Variants in TOX2 observed in about 807,000 individuals in gnomAD.
The protein encoded by TOX2 is TOX high mobility group box family member 2, also known as granulosa cell HMG box 1.
Under a neutral mutation model 47.4 loss-of-function variants are expected in TOX2, and 15 were observed. That is an observed-to-expected ratio of 0.32 (90% CI 0.21 to 0.49). TOX2 has a LOEUF of 0.49. Among genes scored for constraint, TOX2 ranks in the 20% least tolerant of loss-of-function variants. The pLI is 0.99. For synonymous variants in TOX2, 290 were observed against 296.6 expected (o/e 0.98, Z 0.23); for missense variants, 622 against 673.1 (o/e 0.92, Z 0.84).
intron 3 of TOX2, among the ~76,000 whole-genome samples, chr20:44,010,021 G>A (rs1269939816): frequency 1.3e-5 from 2 of 152,204 alleles, no homozygotes; most frequent in Non-Finnish European, 2.9e-5. Context: ...GTGATGAAGT[G>A]TATCGGAGAT....
At chr20:43,930,277 C>G (rs1340649463) in intron 1 of TOX2, among the ~76,000 whole-genome samples, 1 of 152,152 alleles carries the variant, frequency 6.6e-6, no homozygotes, top group Non-Finnish European at 1.5e-5. Flanking sequence ...CTCTCTGGGC[C>G]TCACTTACCC....
At chr20:44,005,909 C>A (rs543083069) in intron 2 of TOX2, among the ~76,000 whole-genome samples, 93 of 151,978 alleles carry the variant, frequency 6.1e-4, no homozygotes, top group Non-Finnish European at 3.1e-4. Context: ...TCAGCGTTGT[C>A]CTGGAGGTTC....
At chr20:44,050,890 G>C (rs1214971569) in intron 3 of TOX2, among the ~76,000 whole-genome samples, 1 of 152,174 alleles carries the variant, frequency 6.6e-6, no homozygotes, top group Non-Finnish European at 1.5e-5. Flanking sequence ...GCAGGACCAG[G>C]ATTCAAAATG....
At chr20:44,003,261 A>G (rs2070616782) in intron 2 of TOX2, among the ~76,000 whole-genome samples, 1 of 147,770 alleles carries the variant, frequency 6.8e-6, no homozygotes. Flanking sequence ...ATCACAGCTC[A>G]CTTCAGCCTT....
intron 3 of TOX2, among the ~76,000 whole-genome samples, chr20:44,017,971 A>T (rs1306039927): frequency 6.6e-6 from 1 of 152,216 alleles, no homozygotes; most frequent in Non-Finnish European, 1.5e-5. Flanking sequence ...CCCAGCTCTG[A>T]GTTGAGCTAT....
chr20:43,951,028 A>G (rs2069554920), intron 1 of TOX2, among the ~76,000 whole-genome samples: 1 of 152,002 alleles, frequency 6.6e-6, no homozygotes, highest in Non-Finnish European at 1.5e-5. Flanking sequence ...GGATGGGCTC[A>G]CGTAGTCATT....
intron 5 of TOX2, among the ~76,000 whole-genome samples, chr20:44,060,558 T>C (rs1171609724): frequency 6.6e-6 from 1 of 152,042 alleles, no homozygotes; most frequent in East Asian, 1.9e-4. Context: ...TCAAGTACTC[T>C]CTCAGAACAT....
At chr20:43,931,427 G>A (rs536820619) in intron 1 of TOX2, among the ~76,000 whole-genome samples, 1 of 152,298 alleles carries the variant, frequency 6.6e-6, no homozygotes, top group South Asian at 2.1e-4. Flanking sequence ...GTGCCACCAC[G>A]CCTCGCTAAA....
chr20:44,016,018 G>A (rs796501046), intron 3 of TOX2, among the ~76,000 whole-genome samples: 54 of 152,110 alleles, frequency 3.6e-4, no homozygotes, highest in African/African-American at 1.2e-3. Flanking sequence ...TACAAGAAAG[G>A]TCGGAAAGGA....
At chr20:43,998,577 A>G (rs987385414) in intron 2 of TOX2, among the ~76,000 whole-genome samples, 1 of 152,168 alleles carries the variant, frequency 6.6e-6, no homozygotes, top group Non-Finnish European at 1.5e-5. Context: ...ATCAATTTAC[A>G]TAAAAATTTG....
intron 4 of TOX2, among the ~76,000 whole-genome samples, chr20:44,052,240 G>C (rs148556192): frequency 6.6e-6 from 1 of 152,248 alleles, no homozygotes; most frequent in East Asian, 1.9e-4. Flanking sequence ...TCAAGAACAT[G>C]GTAGGGATGA....
intron 1 of TOX2, among the ~76,000 whole-genome samples, chr20:43,946,926 G>A (rs886757284): frequency 3.3e-5 from 5 of 152,178 alleles, no homozygotes; most frequent in South Asian, 2.1e-4. Flanking sequence ...ATCTGGCTTC[G>A]TGCATGTGTG....
chr20:44,014,904 T>C (rs1399245492), intron 3 of TOX2, among the ~76,000 whole-genome samples: 5 of 152,066 alleles, frequency 3.3e-5, no homozygotes, highest in Admixed American at 2.0e-4. Context: ...TTAGTTACAC[T>C]TAGGACCTCG....
At chr20:43,956,731 G>C (rs1010131785) in intron 1 of TOX2, among the ~76,000 whole-genome samples, 1 of 152,134 alleles carries the variant, frequency 6.6e-6, no homozygotes, top group Non-Finnish European at 1.5e-5. Flanking sequence ...CTTCCATTAG[G>C]CTGGAACCCG....
Position 43,927,150 on chromosome 20 carries a change from C to T in TOX2, c.99+12160C>T, listed in dbSNP as rs185200208. ...TGGCTTCTTTTTCAGATATTTATAA[C>T]TTATTTATAGTTCCTCCCAGTTCAA... On this transcript the variant is annotated intron_variant, in intron 1 of 8. Transcript: ENST00000341197. Among the ~76,000 whole-genome samples, 8 of 152,284 alleles carry T rather than the reference C, an allele frequency of 5.3e-5. No individual in the cohort carries two copies. The East Asian group carries it at 1.5e-3, about 29-fold the overall frequency.
chr20:44,028,388 G>A (rs1276830641), intron 3 of TOX2, among the ~76,000 whole-genome samples: 1 of 152,174 alleles, frequency 6.6e-6, no homozygotes, highest in African/African-American at 2.4e-5. Context: ...TCTATGGGGA[G>A]CTCATTGCTG....
intron 1 of TOX2, among the ~76,000 whole-genome samples, chr20:43,967,232 G>T (rs909533644): frequency 3.9e-5 from 6 of 152,154 alleles, no homozygotes; most frequent in African/African-American, 1.4e-4. Context: ...TATGAGTTCA[G>T]TGCTGGAGGT....
chr20:43,943,747 T>C (rs1224441052), intron 1 of TOX2, among the ~76,000 whole-genome samples: 3 of 152,262 alleles, frequency 2.0e-5, no homozygotes, highest in Non-Finnish European at 4.4e-5. Context: ...CTTTCACTTA[T>C]CTCTTGTTTC....
At chr20:43,969,343 G>A (rs2069920159) in intron 1 of TOX2, among the ~76,000 whole-genome samples, 1 of 152,260 alleles carries the variant, frequency 6.6e-6, no homozygotes, top group Non-Finnish European at 1.5e-5. Flanking sequence ...TTCACACAGT[G>A]TATGCACTGC....
Sources: gnomAD v4.1 joint callset for allele counts (sites outside exome capture counted in the v4.1 genomes callset) on GRCh38, gnomAD v4.1.1 for gene constraint, MANE v1.5 for transcripts, NCBI Gene and HGNC (gene_info 2026-07-23, HGNC 2026-07-21) for gene names.